Variants in CDKN2B-AS1 observed in about 807,000 individuals in gnomAD.
CDKN2B-AS1 encodes the protein CDKN2B antisense RNA 1 (non-protein coding).
chr9:22,015,159 G>C (rs1022811482), intron 1 of CDKN2B-AS1, among the ~76,000 whole-genome samples: 1 of 152,010 alleles, frequency 6.6e-6, no homozygotes, highest in African/African-American at 2.4e-5. Context: ...GGTATTTCTA[G>C]TTCTAGATCC....
At chr9:22,009,010 A>T in intron 1 of CDKN2B-AS1, 1 of 1,611,032 alleles carries the variant, frequency 6.2e-7, no homozygotes, top group South Asian at 1.1e-5. Flanking sequence ...CGTAAACTTA[A>T]CGACACTCTT....
Position 22,066,958 on chromosome 9 carries a change from C to T in CDKN2B-AS1, n.438+10571C>T, listed in dbSNP as rs186822672. On this transcript the variant is annotated intron_variant and non_coding_transcript_variant, in intron 4 of 4. Transcript: ENST00000650946. Reference sequence around the variant, plus strand: ...GAAACCATCATTCTGAGCAAACTATCGCAAGGACAGAAAACCAAACACTGA... The same window carrying T: ...GAAACCATCATTCTGAGCAAACTATTGCAAGGACAGAAAACCAAACACTGA... Among the ~76,000 whole-genome samples the T allele has an allele frequency of 1.1e-4, 17 of 152,156 alleles. No homozygotes were observed. The East Asian group carries it at 1.8e-3, about 16-fold the overall frequency.
intron 4 of CDKN2B-AS1, among the ~76,000 whole-genome samples, chr9:22,126,724 C>T (rs1563996308): frequency 1.3e-5 from 2 of 152,100 alleles, no homozygotes; most frequent in Non-Finnish European, 2.9e-5. Flanking sequence ...AGGCGCCCGC[C>T]ACTGCACCCG....
intron 1 of CDKN2B-AS1, among the ~76,000 whole-genome samples, chr9:22,026,248 G>A (rs1289492191): frequency 6.6e-6 from 1 of 152,244 alleles, no homozygotes; most frequent in Non-Finnish European, 1.5e-5. Context: ...CCCTCTGGGA[G>A]CTCTGTCCCA....
chr9:22,030,133 G>A (rs1822407327), intron 1 of CDKN2B-AS1: 3 of 152,178 alleles, frequency 2.0e-5, no homozygotes, highest in Admixed American at 2.0e-4. Context: ...GAAGGGAGAT[G>A]TTGTCTTTTC....
At chr9:22,009,543 G>A (rs915868705) in intron 1 of CDKN2B-AS1, among the ~76,000 whole-genome samples, 54 of 152,256 alleles carry the variant, frequency 3.5e-4, no homozygotes, top group Non-Finnish European at 8.8e-5. Context: ...TAAAGCCAAG[G>A]CTAATATTTT....
chr9:22,121,220 C>T (rs894537416), intron 4 of CDKN2B-AS1: 1 of 151,994 alleles, frequency 6.6e-6, no homozygotes, highest in African/African-American at 2.4e-5. Flanking sequence ...TAGCCACTTA[C>T]CTCAACCAAA....
At position 22,001,437 on chromosome 9, in the gene CDKN2B-AS1, T is replaced by C. The variant is rs1380355578; in HGVS notation, n.29+6276T>C. ...GTCAGTGTGTCATCTTAATACATTGTTCTTAGTTCTTTTTCCAGCAAACTC... is the reference window on the plus strand; with the variant it reads ...GTCAGTGTGTCATCTTAATACATTGCTCTTAGTTCTTTTTCCAGCAAACTC... On this transcript the variant is annotated intron_variant and non_coding_transcript_variant, in intron 1 of 4. Coordinates refer to ENST00000650946, the Ensembl canonical transcript of CDKN2B-AS1. The surrounding 1 kb of genome is among the most constrained non-coding windows in gnomAD (Gnocchi z 4.2). 1.1e-4 allele frequency among the ~76,000 whole-genome samples: 16 copies of C among 152,148 alleles called. No homozygotes were observed. Among genetic ancestry groups the C allele is most frequent in the African/African-American group, 3.6e-4 (15 of 41,442 alleles).
rs1461305677 is a variant in CDKN2B-AS1, at chr9:22,039,990, C to A, written n.30-6761C>A. On this transcript the variant is annotated intron_variant and non_coding_transcript_variant, in intron 1 of 4. Coordinates refer to ENST00000650946, the Ensembl canonical transcript of CDKN2B-AS1. The surrounding 1 kb of genome is among the most constrained non-coding windows in gnomAD (Gnocchi z 4.4). Reference sequence around the variant, plus strand: ...GCACTGGGAGAATGCTCTCTGAAGACTGGAGTTATGCTGCTAAAAGTCACA... The same window carrying A: ...GCACTGGGAGAATGCTCTCTGAAGAATGGAGTTATGCTGCTAAAAGTCACA... Among the ~76,000 whole-genome samples, 3 of 152,012 alleles carry A rather than the reference C, an allele frequency of 2.0e-5. No individual in the cohort carries two copies. The highest frequency in any genetic ancestry group is 4.4e-5 in the Non-Finnish European group (3 of 67,960).
At chr9:22,116,385 C>G (rs1021953185) in intron 4 of CDKN2B-AS1, among the ~76,000 whole-genome samples, 3 of 152,168 alleles carry the variant, frequency 2.0e-5, no homozygotes, top group African/African-American at 7.2e-5. Context: ...ACAGATAAAG[C>G]CTTTCCCTCA....
intron 4 of CDKN2B-AS1, among the ~76,000 whole-genome samples, chr9:22,080,496 G>A (rs1824656754): frequency 6.6e-6 from 1 of 152,218 alleles, no homozygotes; most frequent in African/African-American, 2.4e-5. Flanking sequence ...CCCTATTTGG[G>A]TTGAGAGTCT....
intron 1 of CDKN2B-AS1, among the ~76,000 whole-genome samples, chr9:22,037,728 G>A (rs1017376346): frequency 6.6e-5 from 10 of 151,976 alleles, no homozygotes; most frequent in African/African-American, 2.2e-4. Context: ...AATTCATTCA[G>A]GGAACTCATA....
intron 4 of CDKN2B-AS1, among the ~76,000 whole-genome samples, chr9:22,067,823 A>G (rs1326742744): frequency 6.6e-6 from 1 of 152,224 alleles, no homozygotes; most frequent in Non-Finnish European, 1.5e-5. Context: ...TTTGAAGGCA[A>G]TCTGTACGTT....
intron 4 of CDKN2B-AS1, among the ~76,000 whole-genome samples, chr9:22,096,025 C>T (rs544643263): frequency 2.6e-5 from 4 of 152,124 alleles, no homozygotes; most frequent in African/African-American, 7.2e-5. Context: ...AAAAGCTTCT[C>T]CCCCGTGGGT....
At chr9:22,125,431 G>A (rs553668749) in intron 4 of CDKN2B-AS1, among the ~76,000 whole-genome samples, 1 of 152,204 alleles carries the variant, frequency 6.6e-6, no homozygotes, top group South Asian at 2.1e-4. Flanking sequence ...CACTTCTTAG[G>A]CTATCATTTC....
chr9:22,091,480 G>C lies in CDKN2B-AS1; in HGVS notation n.438+35093G>C, dbSNP rs546458144. Among the ~76,000 whole-genome samples the C allele has an allele frequency of 4.4e-3, 663 of 152,224 alleles. 4 individuals carry two copies. Among genetic ancestry groups the C allele is most frequent in the African/African-American group, 0.013 (558 of 41,524 alleles). On this transcript the variant is annotated intron_variant and non_coding_transcript_variant, in intron 4 of 4. Coordinates refer to ENST00000650946, the Ensembl canonical transcript of CDKN2B-AS1. ...ATGAGCATGGAATGTTCTTCCATTT[G>C]TTTGTATCCTCTTTTATTTCATTGA...
chr9:22,053,055 T>C (rs144734881), intron 3 of CDKN2B-AS1, among the ~76,000 whole-genome samples: 52 of 152,368 alleles, frequency 3.4e-4, no homozygotes, highest in African/African-American at 1.2e-3. Flanking sequence ...TTTATACTTA[T>C]GTAATCTTCT....
chr9:22,114,628 G>A (rs1241596037), intron 4 of CDKN2B-AS1, among the ~76,000 whole-genome samples: 1 of 152,222 alleles, frequency 6.6e-6, no homozygotes, highest in Admixed American at 6.5e-5. Flanking sequence ...TTTCAGGAAC[G>A]GACTTGCTTT....
intron 1 of CDKN2B-AS1, among the ~76,000 whole-genome samples, chr9:22,027,208 A>C (rs1251748032): frequency 1.3e-5 from 2 of 151,638 alleles, no homozygotes. Flanking sequence ...TAACATGTTG[A>C]TCTACCGCTT....
Sources: allele counts gnomAD v4.1 joint callset (sites outside exome capture counted in the v4.1 genomes callset), GRCh38; gene constraint gnomAD v4.1.1; non-coding constraint Gnocchi (gnomAD v3.1); transcripts MANE v1.5; gene names NCBI Gene and HGNC (gene_info 2026-07-23, HGNC 2026-07-21).